The following PDE4D variants were observed in gnomAD, a reference collection of about 807,000 sequenced individuals.
PDE4D encodes phosphodiesterase 4D.
PDE4D carries 24 observed loss-of-function variants against 87.4 expected under a neutral mutation model. That is an observed-to-expected ratio of 0.27 (90% CI 0.20 to 0.39). The LOEUF (loss-of-function observed/expected upper bound fraction) is 0.39. Ranked by LOEUF, PDE4D falls within the 10% of genes least tolerant of loss-of-function variation. The probability of loss-of-function intolerance (pLI) is 1.00; values close to 1 mark genes in which losing one functional copy is unlikely to be tolerated. For synonymous variants in PDE4D, 384 were observed against 383.2 expected (o/e 1.00, Z -0.02); for missense variants, 714 against 1,041.0 (o/e 0.69, Z 4.32).
intron 1 of PDE4D, among the ~76,000 whole-genome samples, chr5:59,486,547 G>A (rs1013362709): frequency 6.6e-6 from 1 of 152,060 alleles, no homozygotes; most frequent in African/African-American, 2.4e-5. Context: ...CTTTATACAT[G>A]TTTTATTTCA....
intron 1 of PDE4D, among the ~76,000 whole-genome samples, chr5:59,544,765 G>T (rs1816970791): frequency 6.6e-6 from 1 of 152,148 alleles, no homozygotes; most frequent in African/African-American, 2.4e-5. Flanking sequence ...GTCATATGTA[G>T]TGTCAATGTG....
intron 3 of PDE4D, among the ~76,000 whole-genome samples, chr5:59,944,165 T>G (rs1294174947): frequency 6.6e-6 from 1 of 152,234 alleles, no homozygotes; most frequent in Non-Finnish European, 1.5e-5. Flanking sequence ...TGTGGAAGAT[T>G]AAGAAGAGTC....
intron 1 of PDE4D, among the ~76,000 whole-genome samples, chr5:60,376,336 A>G (rs1761435361): frequency 6.6e-6 from 1 of 152,162 alleles, no homozygotes; most frequent in Admixed American, 6.5e-5. Context: ...GAAGAAAAGT[A>G]ATGGCTCAGA....
intron 1 of PDE4D, among the ~76,000 whole-genome samples, chr5:59,250,177 T>A (rs1759638923): frequency 6.6e-6 from 1 of 151,574 alleles, no homozygotes; most frequent in Admixed American, 6.6e-5. Context: ...AGAATGCACA[T>A]AAATTGCCTT....
At chr5:59,571,816 T>C (rs971305881) in intron 1 of PDE4D, among the ~76,000 whole-genome samples, 2 of 151,926 alleles carry the variant, frequency 1.3e-5, no homozygotes, top group African/African-American at 4.8e-5. Flanking sequence ...TTGTTTTTGT[T>C]GTTTTGTTTT....
intron 5 of PDE4D, among the ~76,000 whole-genome samples, chr5:59,086,037 G>A (rs929988832): frequency 7.2e-5 from 11 of 152,138 alleles, no homozygotes; most frequent in African/African-American, 1.9e-4. Context: ...ATACAGAAGA[G>A]TAAAAAGTAA....
chr5:60,031,351 G>C (rs1403035254), intron 2 of PDE4D, among the ~76,000 whole-genome samples: 1 of 152,150 alleles, frequency 6.6e-6, no homozygotes, highest in Non-Finnish European at 1.5e-5. Flanking sequence ...AAGGCTATTT[G>C]CTTTCCTTTA....
At chr5:59,296,020 AT>A (rs1769020265) in intron 1 of PDE4D, among the ~76,000 whole-genome samples, 1 of 152,042 alleles carries the variant, frequency 6.6e-6, no homozygotes, top group Non-Finnish European at 1.5e-5. Context: ...GTACAGAGAA[AT>A]GTGAAGTTAT....
At chr5:59,480,966 C>A (rs755653721) in intron 1 of PDE4D, among the ~76,000 whole-genome samples, 2 of 152,154 alleles carry the variant, frequency 1.3e-5, no homozygotes, top group Non-Finnish European at 2.9e-5. Flanking sequence ...AGGGCAGTGT[C>A]ATGCACATGA....
At chr5:59,279,600 T>C (rs756793321) in intron 1 of PDE4D, among the ~76,000 whole-genome samples, 85 of 152,210 alleles carry the variant, frequency 5.6e-4, no homozygotes, top group Middle Eastern at 3.4e-3. Flanking sequence ...ATAATAATAA[T>C]AACTACTAAT....
At chr5:59,814,990 CAG>C (rs1398883270) in intron 1 of PDE4D, among the ~76,000 whole-genome samples, 1 of 152,112 alleles carries the variant, frequency 6.6e-6, no homozygotes, top group Non-Finnish European at 1.5e-5. Flanking sequence ...CGTTTTTGCA[CAG>C]AGTCTGGCTA....
chr5:59,563,463 A>T (rs1440885974), intron 1 of PDE4D, among the ~76,000 whole-genome samples: 1 of 152,352 alleles, frequency 6.6e-6, no homozygotes, highest in African/African-American at 2.4e-5. Flanking sequence ...AGACATAGGG[A>T]CATCACCTGG....
At position 59,494,082 on chromosome 5, in the gene PDE4D, C is replaced by T. The variant is rs6895303; in HGVS notation, c.456-278114G>A. On this transcript the variant is annotated intron_variant, in intron 1 of 14. Coordinates refer to ENST00000340635, the MANE Select transcript of PDE4D (RefSeq NM_001104631.2). Reference sequence around the variant, plus strand: ...CCAATTAAAATTAGAGAAATACTTCCTTTGACAGTTTATGCTGTGATATCA... The same window carrying T: ...CCAATTAAAATTAGAGAAATACTTCTTTTGACAGTTTATGCTGTGATATCA... 8.7e-3 allele frequency among the ~76,000 whole-genome samples: 1,326 copies of T among 152,248 alleles called. 25 individuals are homozygous for T. The highest frequency in any genetic ancestry group is 0.031 in the African/African-American group (1,273 of 41,538).
At chr5:59,262,635 A>G (rs541910912) in intron 1 of PDE4D, among the ~76,000 whole-genome samples, 101 of 152,022 alleles carry the variant, frequency 6.6e-4, no homozygotes, top group African/African-American at 2.4e-3. Flanking sequence ...ACTTTGGTTC[A>G]GCATCCCTCC....
chr5:59,345,511 T>C (rs1409921888), intron 1 of PDE4D, among the ~76,000 whole-genome samples: 1 of 152,212 alleles, frequency 6.6e-6, no homozygotes, highest in Admixed American at 6.5e-5. Flanking sequence ...TTTCTTATTT[T>C]AGTCACTTAA....
intron 1 of PDE4D, among the ~76,000 whole-genome samples, chr5:59,234,637 A>G (rs1351200818): frequency 6.6e-6 from 1 of 152,192 alleles, no homozygotes. Context: ...TAAAATGAAT[A>G]CCACTGGTAA....
intron 1 of PDE4D, among the ~76,000 whole-genome samples, chr5:59,770,476 G>A (rs889450945): frequency 1.3e-5 from 2 of 152,074 alleles, no homozygotes; most frequent in Non-Finnish European, 2.9e-5. Context: ...AGAAGGGAAG[G>A]TTCAGAAATT....
At chr5:60,330,041 TA>T (rs11310440) in intron 1 of PDE4D, among the ~76,000 whole-genome samples, 39,411 of 151,968 alleles carry the variant, frequency 0.26, 6,377 homozygotes, top group African/African-American at 0.46. Context: ...CTAAATGAGA[TA>T]AAAAAAGTCA....
chr5:60,421,441 G>A (rs947756936), intron 1 of PDE4D, among the ~76,000 whole-genome samples: 1 of 152,206 alleles, frequency 6.6e-6, no homozygotes, highest in Non-Finnish European at 1.5e-5. Flanking sequence ...CAGACCTGCA[G>A]CTGAGGGACC....
Sources: allele counts gnomAD v4.1 joint callset (sites outside exome capture counted in the v4.1 genomes callset), GRCh38; gene constraint gnomAD v4.1.1; transcripts MANE v1.5; gene names NCBI Gene and HGNC (gene_info 2026-07-23, HGNC 2026-07-21).